Variants in ABCC4 observed in about 807,000 individuals in gnomAD.
The protein encoded by ABCC4 is ATP binding cassette subfamily C member 4 (PEL blood group).
A neutral mutation model predicts 168.5 loss-of-function variants in ABCC4; 102 were observed. The observed-to-expected ratio is 0.61, with a 90% confidence interval of 0.52 to 0.71. The LOEUF is 0.71. Among genes scored for constraint, ABCC4 ranks in the 30% least tolerant of loss-of-function variants. ABCC4 has a pLI of 0.00. For synonymous variants in ABCC4, 617 were observed against 590.7 expected (o/e 1.04, Z -0.65); for missense variants, 1,402 against 1,605.8 (o/e 0.87, Z 2.17).
At chr13:95,088,541 G>C (rs1450897095) in intron 20 of ABCC4, among the ~76,000 whole-genome samples, 3 of 151,832 alleles carry the variant, frequency 2.0e-5, no homozygotes, top group African/African-American at 7.3e-5. Context: ...TGACATAAGT[G>C]GATTTAACAT....
At chr13:95,188,314 G>C in intron 10 of ABCC4, 139 bp downstream of exon 10, 1 of 751,180 alleles carries the variant, frequency 1.3e-6, no homozygotes, top group Non-Finnish European at 2.3e-6. Context: ...CTTGCAAAAC[G>C]AATGTTCCAT....
At chr13:95,128,509 T>G (rs1418013354) in intron 19 of ABCC4, among the ~76,000 whole-genome samples, 1 of 152,236 alleles carries the variant, frequency 6.6e-6, no homozygotes, top group Non-Finnish European at 1.5e-5. Flanking sequence ...CAAGTCCTTG[T>G]TGGCTCTGAA....
chr13:95,191,140 G>A (rs911536128), intron 9 of ABCC4, among the ~76,000 whole-genome samples: 1 of 152,206 alleles, frequency 6.6e-6, no homozygotes, highest in Admixed American at 6.5e-5. Context: ...TCTCAAGCGG[G>A]CATGTGCAAT....
At chr13:95,225,147 TCTCTCTCACACACACACACACACA>T (rs1477953371) in intron 4 of ABCC4, among the ~76,000 whole-genome samples, 27 of 100,790 alleles carry the variant, frequency 2.7e-4, no homozygotes, top group South Asian at 1.1e-3. Flanking sequence ...TCTGTCTCTC[TCTCTCTCACACACACACACACACA>T]CACACACACA....
At chr13:95,050,044 A>G (rs927082002) in intron 27 of ABCC4, among the ~76,000 whole-genome samples, 12 of 152,238 alleles carry the variant, frequency 7.9e-5, no homozygotes, top group African/African-American at 2.2e-4. Flanking sequence ...TCTGAACTGG[A>G]TATCAATGAA....
At chr13:95,247,214 T>C (rs964886601) in intron 2 of ABCC4, 119 bp from the exon 3 acceptor site, 49 of 1,096,594 alleles carry the variant, frequency 4.5e-5, no homozygotes, top group Middle Eastern at 4.3e-4. Context: ...ATTTCATAAA[T>C]GCTACTAATT....
At chr13:95,264,932 G>GATCA (rs2040629752) in intron 1 of ABCC4, among the ~76,000 whole-genome samples, 1 of 135,544 alleles carries the variant, frequency 7.4e-6, no homozygotes, top group African/African-American at 2.9e-5. Context: ...GAAGTGGTGT[G>GATCA]ATCTCAGCTC....
intron 20 of ABCC4, among the ~76,000 whole-genome samples, chr13:95,089,064 T>G (rs1312914478): frequency 6.6e-6 from 1 of 152,084 alleles, no homozygotes; most frequent in Non-Finnish European, 1.5e-5. Context: ...ACCGTTCCAA[T>G]AAATTAAAAA....
intron 1 of ABCC4, among the ~76,000 whole-genome samples, chr13:95,273,879 G>A (rs9561826): frequency 0.14 from 20,252 of 147,426 alleles, 1,848 homozygotes; most frequent in East Asian, 0.36. Flanking sequence ...GCAGTGGCGC[G>A]ATCTAGGCTC....
chr13:95,074,136 G>A, intron 23 of ABCC4, 78 bp downstream of exon 23: 1 of 1,107,310 alleles, frequency 9.0e-7, no homozygotes, highest in Non-Finnish European at 1.3e-6. Context: ...AGTAGACAAG[G>A]TGGCAAGAGT....
At chr13:95,250,266 C>T (rs2040219567) in intron 1 of ABCC4, among the ~76,000 whole-genome samples, 1 of 152,134 alleles carries the variant, frequency 6.6e-6, no homozygotes, top group South Asian at 2.1e-4. Flanking sequence ...CCCCAGTAGC[C>T]CTTCTCTCCT....
At chr13:95,049,666 T>TAA (rs1382294423) in intron 27 of ABCC4, among the ~76,000 whole-genome samples, 85 of 144,956 alleles carry the variant, frequency 5.9e-4, no homozygotes, top group African/African-American at 2.0e-3. Flanking sequence ...TAAATAAAAA[T>TAA]AAATAAATAA....
chr13:95,271,755 C>T (rs998007299), intron 1 of ABCC4, among the ~76,000 whole-genome samples: 5 of 152,074 alleles, frequency 3.3e-5, no homozygotes, highest in East Asian at 1.9e-4. Context: ...AAACAGAGCA[C>T]GCAGCGTGAC....
At chr13:95,087,123 T>TA (rs2034283617) in intron 20 of ABCC4, among the ~76,000 whole-genome samples, 1 of 150,902 alleles carries the variant, frequency 6.6e-6, no homozygotes, top group Non-Finnish European at 1.5e-5. Flanking sequence ...AATTGCCCAC[T>TA]AGTTTTTGAT....
chr13:95,147,052 C>T (rs1458263161), intron 19 of ABCC4, among the ~76,000 whole-genome samples: 1 of 152,174 alleles, frequency 6.6e-6, no homozygotes, highest in Non-Finnish European at 1.5e-5. Flanking sequence ...ATGAGAGAAT[C>T]ATCGCAGTTC....
chr13:95,063,584 C>T (rs1010318315), intron 25 of ABCC4, among the ~76,000 whole-genome samples: 2 of 152,138 alleles, frequency 1.3e-5, no homozygotes, highest in Admixed American at 6.5e-5. Flanking sequence ...TTGCTATTTA[C>T]GTAAGGCCTT....
chr13:95,256,559 C>T (rs2040397287), intron 1 of ABCC4, among the ~76,000 whole-genome samples: 1 of 152,150 alleles, frequency 6.6e-6, no homozygotes, highest in African/African-American at 2.4e-5. Flanking sequence ...AGTTTGACAC[C>T]AGCCTGGACA....
chr13:95,262,322 G>A (rs2040553059), intron 1 of ABCC4, among the ~76,000 whole-genome samples: 1 of 152,212 alleles, frequency 6.6e-6, no homozygotes. Flanking sequence ...TGGAAAGAGG[G>A]AGAACCAGAA....
intron 1 of ABCC4, among the ~76,000 whole-genome samples, chr13:95,268,504 G>C (rs1185815494): frequency 6.4e-5 from 9 of 141,428 alleles, no homozygotes; most frequent in Non-Finnish European, 1.5e-5. Flanking sequence ...TAAGAGGAAG[G>C]CATCTGTCTC....
Sources: gnomAD v4.1 joint callset for allele counts (sites outside exome capture counted in the v4.1 genomes callset) on GRCh38, gnomAD v4.1.1 for gene constraint, MANE v1.5 for transcripts, NCBI Gene and HGNC (gene_info 2026-07-23, HGNC 2026-07-21) for gene names.